The following MCM10 variants were observed in gnomAD, a reference collection of about 807,000 sequenced individuals.
MCM10 encodes the protein minichromosome maintenance 10 replication initiation factor, also known as protein MCM10 homolog.
MCM10 carries 91 observed loss-of-function variants against 109.9 expected under a neutral mutation model. That is an observed-to-expected ratio of 0.83 (90% CI 0.70 to 0.99). MCM10 has a LOEUF of 0.99. Ranked by LOEUF, MCM10 falls within the 50% of genes least tolerant of loss-of-function variation. The pLI, the probability that MCM10 is intolerant of heterozygous loss-of-function variation, is 0.00. For synonymous variants in MCM10, 380 were observed against 387.2 expected, an observed-to-expected ratio of 0.98 and a Z score of 0.22; for missense variants, 1,077 against 1,061.2, an observed-to-expected ratio of 1.01 and a Z score of -0.21.
At chr10:13,167,833 G>A (rs2399950) in intron 2 of MCM10, among the ~76,000 whole-genome samples, 56,812 of 152,084 alleles carry the variant, frequency 0.37, 11,239 homozygotes, top group Non-Finnish European at 0.44. Context: ...ACAATTAAAT[G>A]CTTTCCATTC....
At chr10:13,181,947 C>T (rs541497802) in intron 7 of MCM10, among the ~76,000 whole-genome samples, 1 of 152,290 alleles carries the variant, frequency 6.6e-6, no homozygotes, top group East Asian at 1.9e-4. Context: ...CGGGATGCCT[C>T]TGTGAGATAG....
At chr10:13,192,593 C>T in intron 13 of MCM10, 25 bp downstream of exon 13, 1 of 1,600,796 alleles carries the variant, frequency 6.2e-7, no homozygotes, top group Non-Finnish European at 8.6e-7. Flanking sequence ...TTTAATATTC[C>T]CCGCTTGGGT....
chr10:13,198,632 C>A, intron 15 of MCM10, 57 bp from the exon 16 acceptor site: 1 of 1,110,950 alleles, frequency 9.0e-7, no homozygotes, highest in Non-Finnish European at 1.4e-6. Context: ...GTTGATGAGG[C>A]GCACTGGCTT....
chr10:13,171,304 T>C (rs1347879056), intron 3 of MCM10, 41 bp downstream of exon 3: 1 of 1,515,262 alleles, frequency 6.6e-7, no homozygotes, highest in African/African-American at 1.4e-5. Flanking sequence ...TTCGGATAAG[T>C]TGGATGAAGA....
intron 16 of MCM10, among the ~76,000 whole-genome samples, chr10:13,200,802 T>G (rs1834488056): frequency 6.6e-6 from 1 of 152,232 alleles, no homozygotes; most frequent in Non-Finnish European, 1.5e-5. Context: ...ACACTTGACA[T>G]ACTGATACTG....
Position 13,189,024 on chromosome 10 carries a change from G to A in MCM10, c.1359G>A (p.Leu453=), listed in dbSNP as rs745377262. 3.7e-6 allele frequency: 6 copies of A among 1,614,250 alleles called. No individual in the cohort carries two copies. The South Asian group carries it at 5.5e-5, about 15-fold the overall frequency. The change falls in exon 10 of 20, where the codon CTG becomes CTA. Residue 453 remains leucine, a synonymous_variant. Coordinates refer to ENST00000378714, the MANE Select transcript of MCM10 (RefSeq NM_018518.5). The stretch of plus-strand genomic sequence containing the variant: ...GAGGCACCAGCCTCAAAGAACGGCT[G>A]TGCCAAGATGGCTTTTACTACGGAG... ...ARRGTSLKER[L]CQDGFYYGGV... is the part of the protein sequence containing the mutation.
rs145894455 is a variant in MCM10, at chr10:13,174,470, C to T, written c.593-1040C>T. ...ACTAATTACTCATTCTGAAGGAGGT[C>T]TTGTCCTCCCTTTGATAATCTGCGC... On this transcript the variant is annotated intron_variant, in intron 5 of 19. Transcript: ENST00000378714. Among the ~76,000 whole-genome samples, 548 of 152,196 alleles carry T rather than the reference C, an allele frequency of 3.6e-3. 5 individuals carry two copies. Among genetic ancestry groups the T allele is most frequent in the African/African-American group, 0.013 (532 of 41,512 alleles).
intron 1 of MCM10, among the ~76,000 whole-genome samples, chr10:13,163,276 T>C (rs1045399515): frequency 3.0e-4 from 46 of 151,950 alleles, no homozygotes; most frequent in African/African-American, 1.0e-3. Context: ...GAGGCGGAGG[T>C]TGTAGTGAGC....
At chr10:13,181,484 A>G (rs1479461799) in intron 7 of MCM10, among the ~76,000 whole-genome samples, 1 of 152,164 alleles carries the variant, frequency 6.6e-6, no homozygotes, top group Non-Finnish European at 1.5e-5. Flanking sequence ...ATGAGATCAC[A>G]TGGACACAAG....
intron 9 of MCM10, among the ~76,000 whole-genome samples, chr10:13,186,510 A>G (rs1834276339): frequency 6.6e-6 from 1 of 152,208 alleles, no homozygotes; most frequent in South Asian, 2.1e-4. Context: ...TATCTGACCA[A>G]GAAGTTTAAG....
chr10:13,168,148 T>A (rs1834025940), intron 2 of MCM10, among the ~76,000 whole-genome samples: 1 of 152,222 alleles, frequency 6.6e-6, no homozygotes, highest in South Asian at 2.1e-4. Flanking sequence ...GGGTGTGCCC[T>A]CTTTGGCAGA....
chr10:13,180,739 C>A, intron 7 of MCM10, 132 bp downstream of exon 7: 1 of 1,034,450 alleles, frequency 9.7e-7, no homozygotes, highest in Non-Finnish European at 1.5e-6. Flanking sequence ...AGAATCACCA[C>A]ACATCATTGA....
chr10:13,161,755 AGCTTGGGACC>A (rs1341740685), intron 1 of MCM10, 149 bp downstream of exon 1: 5 of 152,264 alleles, frequency 3.3e-5, no homozygotes, highest in Non-Finnish European at 7.3e-5. Context: ...ATTTGGCGGC[AGCTTGGGACC>A]GCTCGGAGCT....
chr10:13,197,478 A>T, intron 14 of MCM10, 145 bp from the exon 15 acceptor site: 1 of 635,828 alleles, frequency 1.6e-6, no homozygotes, highest in Non-Finnish European at 2.7e-6. Flanking sequence ...TGTTAATAAT[A>T]CTAAGTAAAA....
chr10:13,185,908 G>A (rs1834268688), intron 8 of MCM10, among the ~76,000 whole-genome samples: 2 of 152,030 alleles, frequency 1.3e-5, no homozygotes, highest in South Asian at 2.1e-4. Context: ...CTACATGCAC[G>A]CACTACCATG....
At position 13,182,931 on chromosome 10, in the gene MCM10, A is replaced by C; in HGVS notation, c.931-2A>C. ...ATTATAAAAAATAACTATTTGTTCCAGGGAAAAACCTTCAGCATATGGAAA... is the reference window on the plus strand; with the variant it reads ...ATTATAAAAAATAACTATTTGTTCCCGGGAAAAACCTTCAGCATATGGAAA... On this transcript the variant is annotated splice_acceptor_variant, in intron 7 of 19. Transcript: ENST00000378714. LOFTEE classifies it high-confidence loss of function. This position sits in a 1 kb window ranked among gnomAD's most constrained non-coding sequence, Gnocchi z 4.2. 6.2e-7 allele frequency: 1 copy of C among 1,609,554 alleles called. No homozygotes were observed. Among genetic ancestry groups the C allele is most frequent in the Non-Finnish European group, 8.5e-7 (1 of 1,177,496 alleles).
At chr10:13,195,013 G>A in intron 13 of MCM10, 28 bp from the exon 14 acceptor site, 2 of 1,590,120 alleles carry the variant, frequency 1.3e-6, no homozygotes, top group Non-Finnish European at 1.7e-6. Context: ...AACCCTGTTT[G>A]CGTATTTTGA....
At chr10:13,188,838 GCCTGTTGCCCTCAT>G (rs752734452) in intron 9 of MCM10, 29 bp from the exon 10 acceptor site, 2 of 1,558,280 alleles carry the variant, frequency 1.3e-6, no homozygotes, top group East Asian at 4.5e-5. Flanking sequence ...CTGTTTCCCA[GCCTGTTGCCCTCAT>G]CCTGATGCCA....
At chr10:13,208,565 C>CAAAA (rs1309612277) in intron 18 of MCM10, among the ~76,000 whole-genome samples, 1 of 22,960 alleles carries the variant, frequency 4.4e-5, no homozygotes, top group Non-Finnish European at 1.7e-4. Context: ...TCCCATCTCT[C>CAAAA]CAAAAAAAAA....
Sources: gnomAD v4.1 joint callset for allele counts (sites outside exome capture counted in the v4.1 genomes callset) on GRCh38, gnomAD v4.1.1 for gene constraint, Gnocchi (gnomAD v3.1) non-coding constraint, MANE v1.5 for transcripts, NCBI Gene and HGNC (gene_info 2026-07-23, HGNC 2026-07-21) for gene names.